The following ZNF638 variants were observed in gnomAD, a reference collection of about 807,000 sequenced individuals.
ZNF638 encodes the protein zinc finger protein 638.
ZNF638 carries 46 observed loss-of-function variants against 195.6 expected under a neutral mutation model. The observed-to-expected ratio is 0.24, with a 90% CI of 0.19 to 0.30. The LOEUF (loss-of-function observed/expected upper bound fraction) is 0.30, where lower values mean the gene tolerates loss of function less well. Among genes scored for constraint, ZNF638 ranks in the 10% least tolerant of loss-of-function variants. ZNF638 has a pLI of 1.00. For synonymous variants in ZNF638, 845 were observed against 772.0 expected (o/e 1.09, Z -1.57); for missense variants, 2,440 against 2,325.3 (o/e 1.05, Z -1.01).
chr2:71,332,243 G>C (rs1053218609), intron 1 of ZNF638, among the ~76,000 whole-genome samples: 1 of 152,366 alleles, frequency 6.6e-6, no homozygotes, highest in South Asian at 2.1e-4. Flanking sequence ...CGCCCGGCCT[G>C]CCGAGGCTGC....
At chr2:71,389,004 C>T (rs1485790999) in intron 10 of ZNF638, among the ~76,000 whole-genome samples, 2 of 152,044 alleles carry the variant, frequency 1.3e-5, no homozygotes, top group Non-Finnish European at 1.5e-5. Context: ...ACAAGGGCAA[C>T]GGGTCCCAGT....
chr2:71,387,334 A>T (rs572947893), intron 10 of ZNF638, among the ~76,000 whole-genome samples: 1 of 152,216 alleles, frequency 6.6e-6, no homozygotes, highest in Non-Finnish European at 1.5e-5. Context: ...AAAAAGATCA[A>T]TTATTCATTA....
intron 3 of ZNF638, among the ~76,000 whole-genome samples, chr2:71,358,320 C>CAT (rs1464980788): frequency 6.6e-6 from 1 of 152,308 alleles, no homozygotes; most frequent in Non-Finnish European, 1.5e-5. Context: ...GGGATTGGAA[C>CAT]ATATATATGT....
In ZNF638 at chr2:71,397,000, C is replaced by T. The variant is rs551677382; in HGVS notation, c.2428+809C>T. The stretch of plus-strand genomic sequence containing the variant: ...ATATAATGTTAAAAAGGAAAGGAAA[C>T]AGCCTGGAACTGGCAAAAATCATTA... On this transcript the variant is annotated intron_variant, in intron 11 of 27. Transcript: ENST00000264447. Among the ~76,000 whole-genome samples, 7 of 152,234 alleles carry T rather than the reference C, an allele frequency of 4.6e-5. No homozygotes were observed. In the South Asian group the frequency reaches 1.5e-3, roughly 32 times the overall value.
chr2:71,367,632 G>T (rs1372786119), intron 6 of ZNF638, among the ~76,000 whole-genome samples: 4 of 151,528 alleles, frequency 2.6e-5, no homozygotes, highest in Non-Finnish European at 5.9e-5. Flanking sequence ...GCAGAGACGG[G>T]GTTTCACCGT....
At position 71,402,006 on chromosome 2, in the gene ZNF638, A is replaced by C; in HGVS notation, c.2748A>C (p.Gly916=). The C allele has an allele frequency of 6.2e-7, 1 of 1,606,834 alleles. No homozygotes were observed. The highest frequency in any genetic ancestry group is 8.5e-7 in the Non-Finnish European group (1 of 1,175,614). The part of the protein sequence containing the change: ...VMLVSNLPNK[G]YSVEEVYDLA... Reference sequence around the variant, plus strand: ...TTGTCTCTAATTTGCCTAATAAAGGATATTCTGTAGAAGAAGTTTATGACT... The same window carrying C: ...TTGTCTCTAATTTGCCTAATAAAGGCTATTCTGTAGAAGAAGTTTATGACT... The change falls in exon 16 of 28, where the codon GGA becomes GGC. Residue 916 remains glycine, a synonymous_variant. Transcript: ENST00000264447.
intron 7 of ZNF638, 99 bp from the exon 8 acceptor site, chr2:71,369,784 A>G: frequency 8.3e-7 from 1 of 1,208,398 alleles, no homozygotes; most frequent in Admixed American, 3.0e-5. Flanking sequence ...AGGTAGTTTC[A>G]TAGTTTGATG....
At chr2:71,409,426 C>G (rs1044592120) in intron 20 of ZNF638, among the ~76,000 whole-genome samples, 1 of 152,062 alleles carries the variant, frequency 6.6e-6, no homozygotes, top group African/African-American at 2.4e-5. Flanking sequence ...ATGTAGCACT[C>G]CATTCTAAAT....
chr2:71,404,319 TC>T (rs2080062998), intron 17 of ZNF638, among the ~76,000 whole-genome samples: 1 of 152,244 alleles, frequency 6.6e-6, no homozygotes, highest in African/African-American at 2.4e-5. Context: ...TAATTTTTTT[TC>T]TCTCATTTCT....
chr2:71,407,941 G>A, intron 19 of ZNF638, 181 bp from the exon 20 acceptor site: 1 of 502,396 alleles, frequency 2.0e-6, no homozygotes, highest in East Asian at 3.5e-5. Context: ...CAGTTGGGTT[G>A]CTTCTCCCTT....
Position 71,433,287 on chromosome 2 carries a change from A to T in ZNF638, c.5871+4A>T. The T allele has an allele frequency of 6.3e-7, 1 of 1,594,156 alleles. No homozygotes were observed. The highest frequency in any genetic ancestry group is 8.6e-7 in the Non-Finnish European group (1 of 1,163,504). On this transcript the variant is annotated splice_donor_region_variant and intron_variant, in intron 27 of 27. Coordinates refer to ENST00000264447, the MANE Select transcript of ZNF638 (RefSeq NM_014497.5). ...ACGTCATAAGCAAAATACTGAGGTA[A>T]TTTTAAAAATTCTTACAAAATCTTG...
chr2:71,364,006 C>G lies in ZNF638; in HGVS notation c.1471C>G (p.Pro491Ala). 6.2e-7 allele frequency: 1 copy of G among 1,614,116 alleles called. No individual in the cohort carries two copies. The highest frequency in any genetic ancestry group is 8.5e-7 in the Non-Finnish European group (1 of 1,180,006). Residue 491 changes from proline (P) to alanine (A), a missense_variant, in exon 5 of 28, where the codon CCC (proline) becomes GCC (alanine). Around this residue, in one of 5 missense-constraint regions of ZNF638, gnomAD observed 1,883 missense variants for 1,739.1 expected, o/e 1.08. Transcript: ENST00000264447. ...AACTCCACGAAGACGTTCTCATTCCCCCAGTCCTAGGCGTTCTAGAAGATC... is the reference window on the plus strand; with the variant it reads ...AACTCCACGAAGACGTTCTCATTCCGCCAGTCCTAGGCGTTCTAGAAGATC... Reference protein sequence around the residue: ...NETPRRRSHSPSPRRSRRSSS... With the variant: ...NETPRRRSHSASPRRSRRSSS...
chr2:71,383,800 C>CT (rs1393237828), intron 10 of ZNF638, among the ~76,000 whole-genome samples: 1 of 111,092 alleles, frequency 9.0e-6, no homozygotes, highest in African/African-American at 4.1e-5. Context: ...TGGGGTTTCA[C>CT]CTTGTTGGCC....
At chr2:71,337,757 T>TGCGCAGCCTATAAA (rs2078696231) in intron 1 of ZNF638, among the ~76,000 whole-genome samples, 2 of 123,214 alleles carry the variant, frequency 1.6e-5, no homozygotes, top group African/African-American at 2.8e-5. Context: ...ATTGACCCAA[T>TGCGCAGCCTATAAA]ATTGTTTTTT....
At chr2:71,371,293 T>C (rs2079308066) in intron 8 of ZNF638, among the ~76,000 whole-genome samples, 1 of 152,242 alleles carries the variant, frequency 6.6e-6, no homozygotes, top group African/African-American at 2.4e-5. Context: ...TGAACAGTGC[T>C]GCAAGAAACA....
In ZNF638 at chr2:71,423,675, A is replaced by G. The variant is rs755681511; in HGVS notation, c.4161A>G (p.Val1387=). The change falls in exon 22 of 28, where the codon GTA becomes GTG. Residue 1387 remains valine, a synonymous_variant. Coordinates refer to ENST00000264447, the MANE Select transcript of ZNF638 (RefSeq NM_014497.5). The part of the protein sequence containing the change: ...SKTSILAVSD[V]SSSKPSIKAV... The stretch of plus-strand genomic sequence containing the variant: ...CTAGTATTCTGGCTGTATCAGATGT[A>G]TCTAGCAGTAAACCAAGCATCAAGG... 12 of 1,613,900 alleles carry G rather than the reference A, an allele frequency of 7.4e-6. 1 individual carries two copies. Among genetic ancestry groups the G allele is most frequent in the South Asian group, 5.5e-5 (5 of 91,086 alleles).
chr2:71,389,291 G>A (rs184939813), intron 10 of ZNF638, among the ~76,000 whole-genome samples: 12 of 152,140 alleles, frequency 7.9e-5, no homozygotes, highest in Non-Finnish European at 1.5e-4. Flanking sequence ...TAACCTGCCC[G>A]GTAATGCAAG....
intron 22 of ZNF638, 44 bp from the exon 23 acceptor site, chr2:71,424,606 G>T: frequency 6.3e-6 from 9 of 1,419,276 alleles, no homozygotes; most frequent in Admixed American, 4.0e-5. Context: ...TTAATAATAT[G>T]GTTGTAAATT....
At chr2:71,343,045 T>C (rs2078788818) in intron 1 of ZNF638, among the ~76,000 whole-genome samples, 1 of 152,226 alleles carries the variant, frequency 6.6e-6, no homozygotes, top group Non-Finnish European at 1.5e-5. Context: ...GACATTGTTA[T>C]TTGAAATCTC....
Sources: allele counts gnomAD v4.1 joint callset (sites outside exome capture counted in the v4.1 genomes callset), GRCh38; gene constraint gnomAD v4.1.1; regional missense constraint gnomAD v4.1.1; transcripts MANE v1.5; gene names NCBI Gene and HGNC (gene_info 2026-07-23, HGNC 2026-07-21).